The following PARL variants were observed in gnomAD, a reference collection of about 807,000 sequenced individuals.
PARL encodes the protein presenilin-associated rhomboid-like protein, mitochondrial.
In PARL, 44 loss-of-function variants were observed where a neutral mutation model predicts 51.6. The ratio of observed to expected loss-of-function variants is 0.85; its 90% CI spans 0.67 to 1.10. PARL has a LOEUF of 1.10. Among genes scored for constraint, PARL ranks in the 50% least tolerant of loss-of-function variants. The probability of loss-of-function intolerance (pLI) is 0.00; values close to 1 mark genes in which losing one functional copy is unlikely to be tolerated. For missense variants in PARL, 441 were observed against 469.5 expected (o/e 0.94, Z 0.56); for synonymous variants, 172 against 164.0 (o/e 1.05, Z -0.37).
intron 1 of PARL, chr3:183,879,788 C>G: frequency 1.9e-6 from 1 of 521,748 alleles, no homozygotes; most frequent in Non-Finnish European, 2.5e-6. Flanking sequence ...ACCATCTCAA[C>G]TCACTGCAAC....
intron 3 of PARL, among the ~76,000 whole-genome samples, 170 bp from the exon 4 acceptor site, chr3:183,862,971 A>T (rs1369013068): frequency 6.6e-6 from 1 of 152,240 alleles, no homozygotes; most frequent in Non-Finnish European, 1.5e-5. Context: ...CATGTTTTAT[A>T]GTCAGGCAGC....
chr3:183,865,000 A>G (rs1732300323), intron 3 of PARL, among the ~76,000 whole-genome samples: 1 of 150,076 alleles, frequency 6.7e-6, no homozygotes, highest in African/African-American at 2.5e-5. Flanking sequence ...CATGTCACTG[A>G]GAAACGTTTA....
rs754128465 is a variant in PARL at position 183,868,056 on chromosome 3, T to C, written c.130A>G (p.Asn44Asp). Residue 44 changes from asparagine to aspartate, a missense_variant, in exon 2 of 10, where the codon AAC becomes GAC. Asn to Asp is a conservative substitution (Grantham distance 23). Coordinates refer to ENST00000317096, the MANE Select transcript of PARL (RefSeq NM_018622.7). ...TPPQLLGRRF[N>D]FFIQQKCGFR... ...CCGCATTTTTGTTGAATAAAGAAGT[T>C]AAACCTATGGGGCAAAAATAACAGA... The C allele has an allele frequency of 3.7e-6, 6 of 1,613,374 alleles. No individual in the cohort carries two copies. In the Admixed American group the frequency reaches 5.0e-5, roughly 13 times the overall value.
rs1024928317 is a variant in PARL, at chr3:183,840,503, A to C, written c.828+67T>G. On this transcript the variant is annotated intron_variant, in intron 7 of 9. Transcript: ENST00000317096. Reference sequence around the variant, plus strand: ...TTATCAATTTTACAACATTCTTCTAAGTCTAAACTTATTTCAAAGTAAATT... The same window carrying C: ...TTATCAATTTTACAACATTCTTCTACGTCTAAACTTATTTCAAAGTAAATT... 4 of 759,408 alleles carry C rather than the reference A, an allele frequency of 5.3e-6. No homozygotes were observed. The African/African-American group carries it at 7.1e-5, about 13-fold the overall frequency. 47.0% of individuals were successfully genotyped at this position (759,408 alleles called of 1,614,324 possible). A position where few individuals can be genotyped will look rare whatever the true frequency, so the allele number is the denominator to read the frequency against.
In PARL at chr3:183,829,462, G is replaced by A. The variant is rs1480825714; in HGVS notation, c.*136C>T. ...CATTCTAAAAAGACACGGACTGGGG[G>A]ACACAGCTGAAAACAGTGGGAGGCC... On this transcript the variant is annotated 3_prime_UTR_variant, in exon 10 of 10. Coordinates refer to ENST00000317096, the MANE Select transcript of PARL (RefSeq NM_018622.7). 1.9e-6 allele frequency: 3 copies of A among 1,603,758 alleles called. No individual in the cohort carries two copies. The highest frequency in any genetic ancestry group is 1.7e-6 in the Non-Finnish European group (2 of 1,175,164).
intron 1 of PARL, among the ~76,000 whole-genome samples, chr3:183,878,656 A>G (rs142047668): frequency 1.9e-4 from 29 of 152,332 alleles, no homozygotes; most frequent in African/African-American, 6.7e-4. Context: ...AGATCTATTC[A>G]TACCACAGGT....
rs186835074 is a variant in PARL, at chr3:183,832,949, G to T, written c.1028+543C>A. Among the ~76,000 whole-genome samples, 136 of 152,310 alleles carry T rather than the reference G, an allele frequency of 8.9e-4. No individual in the cohort carries two copies. The South Asian group carries it at 0.017, about 19-fold the overall frequency. Reference sequence around the variant, plus strand: ...CCTCAGTTTCCCATCAGTAAAATGGGAGTAGTAATAGTATAACATAAGGGA... The same window carrying T: ...CCTCAGTTTCCCATCAGTAAAATGGTAGTAGTAATAGTATAACATAAGGGA... On this transcript the variant is annotated intron_variant, in intron 9 of 9. Transcript: ENST00000317096.
At chr3:183,834,886 C>CG (rs1728371761) in intron 7 of PARL, among the ~76,000 whole-genome samples, 1 of 108,678 alleles carries the variant, frequency 9.2e-6, no homozygotes, top group African/African-American at 3.9e-5. Context: ...ACTAAAAATA[C>CG]AAAAAAAAAA....
rs962388100 is a variant in PARL at position 183,853,577 on chromosome 3, T to C, written c.511+9176A>G. Among the ~76,000 whole-genome samples, 3 of 151,932 alleles carry C rather than the reference T, an allele frequency of 2.0e-5. No homozygotes were observed. In the East Asian group the frequency reaches 5.8e-4, roughly 29 times the overall value. Reference sequence around the variant, plus strand: ...AAAAAAACAAACGAAAAAGAATGCTTATAACTCAACAACAAAAAAAAATCA... The same window carrying C: ...AAAAAAACAAACGAAAAAGAATGCTCATAACTCAACAACAAAAAAAAATCA... On this transcript the variant is annotated intron_variant, in intron 4 of 9. Transcript: ENST00000317096.
intron 1 of PARL, among the ~76,000 whole-genome samples, chr3:183,871,063 T>A (rs532032343): frequency 6.6e-5 from 10 of 152,254 alleles, no homozygotes; most frequent in African/African-American, 2.4e-4. Context: ...TATATCTCTA[T>A]CACCAAGTCT....
intron 4 of PARL, among the ~76,000 whole-genome samples, chr3:183,850,771 A>G (rs1348415606): frequency 6.6e-6 from 1 of 152,254 alleles, no homozygotes; most frequent in Non-Finnish European, 1.5e-5. Flanking sequence ...AGCCATATAT[A>G]AAAAGGATTA....
chr3:183,875,415 C>CAA (rs61316689), intron 1 of PARL, among the ~76,000 whole-genome samples: 6,302 of 56,484 alleles, frequency 0.11, 631 homozygotes, highest in African/African-American at 0.26. Flanking sequence ...ACTCTGTCTC[C>CAA]AAAAAAAAAA....
intron 5 of PARL, among the ~76,000 whole-genome samples, chr3:183,842,777 C>T (rs868293517): frequency 1.0e-4 from 13 of 128,030 alleles, no homozygotes; most frequent in Non-Finnish European, 7.9e-5. Context: ...CACTGCACTC[C>T]AGCCTGGGCC....
chr3:183,843,815 G>T (rs1729625193), intron 5 of PARL, among the ~76,000 whole-genome samples: 1 of 151,916 alleles, frequency 6.6e-6, no homozygotes. Flanking sequence ...GAGCCAGGCA[G>T]ATCACCTGAG....
At chr3:183,836,217 C>CAAAAAAAAAAAAAAAA (rs56354792) in intron 7 of PARL, among the ~76,000 whole-genome samples, 1 of 84,290 alleles carries the variant, frequency 1.2e-5, no homozygotes, top group African/African-American at 5.2e-5. Context: ...AACTCCATCT[C>CAAAAAAAAAAAAAAAA]AAAAAAAAAA....
intron 8 of PARL, 48 bp from the exon 9 acceptor site, chr3:183,833,637 C>T (rs1728213886): frequency 1.3e-6 from 2 of 1,494,624 alleles, no homozygotes; most frequent in Non-Finnish European, 9.3e-7. Flanking sequence ...TGCTCCAGCA[C>T]TGACATTTCT....
At chr3:183,844,187 A>C (rs1317241416) in intron 5 of PARL, 44 bp downstream of exon 5, 5 of 1,272,494 alleles carry the variant, frequency 3.9e-6, no homozygotes, top group Non-Finnish European at 5.7e-6. Flanking sequence ...TATTTCTTTC[A>C]TATTATTTCT....
At chr3:183,854,280 T>G (rs1025108343) in intron 4 of PARL, among the ~76,000 whole-genome samples, 4 of 152,160 alleles carry the variant, frequency 2.6e-5, no homozygotes, top group Non-Finnish European at 5.9e-5. Context: ...CTCAAAGAGA[T>G]ATTTGCACAC....
At chr3:183,845,046 G>C (rs778860232) in intron 4 of PARL, among the ~76,000 whole-genome samples, 13 of 152,104 alleles carry the variant, frequency 8.5e-5, no homozygotes, top group Non-Finnish European at 1.8e-4. Context: ...TTTATGAATT[G>C]CCACAACTCC....
Sources: gnomAD v4.1 joint callset for allele counts (sites outside exome capture counted in the v4.1 genomes callset) on GRCh38, gnomAD v4.1.1 for gene constraint, MANE v1.5 for transcripts, NCBI Gene and HGNC (gene_info 2026-07-23, HGNC 2026-07-21) for gene names.